Variants in ACADL observed in about 807,000 individuals in gnomAD.
ACADL encodes acyl-CoA dehydrogenase long chain.
Under a neutral mutation model 56.9 loss-of-function variants are expected in ACADL, and 60 were observed. That is an observed-to-expected ratio of 1.05 (90% confidence interval 0.86 to 1.31). The LOEUF (loss-of-function observed/expected upper bound fraction) is 1.31, where lower values mean the gene tolerates loss of function less well. Ranked by LOEUF, ACADL falls within the 50% of genes most tolerant of loss-of-function variation. The probability of loss-of-function intolerance (pLI) is 0.00; values close to 1 mark genes in which losing one functional copy is unlikely to be tolerated. For missense variants in ACADL, 484 were observed against 525.5 expected, an observed-to-expected ratio of 0.92 and a Z score of 0.77; for synonymous variants, 158 against 179.7, an observed-to-expected ratio of 0.88 and a Z score of 0.97.
At chr2:210,205,920 GTACCCTACCCAAATATC>G in intron 5 of ACADL, 124 bp from the exon 6 acceptor site, 1 of 1,116,268 alleles carries the variant, frequency 9.0e-7, no homozygotes, top group South Asian at 1.3e-5. Flanking sequence ...ACCTCTCTCT[GTACCCTACCCAAATATC>G]TGCAAAGTTG....
chr2:210,188,926 T>G lies in ACADL; in HGVS notation c.*35A>C, dbSNP rs1308534930. The G allele has an allele frequency of 1.4e-6, 2 of 1,446,748 alleles. No individual in the cohort carries two copies. Among genetic ancestry groups the G allele is most frequent in the East Asian group, 4.6e-5 (2 of 43,932 alleles). The allele number at this position is 1,446,748 out of a possible 1,614,324, so 89.6% of individuals were successfully genotyped here. ...ATCTTGAGCAGATTTAAAACGAGATTAGCTGTAATAGGACTCCAGGATGTG... is the reference window on the plus strand; with the variant it reads ...ATCTTGAGCAGATTTAAAACGAGATGAGCTGTAATAGGACTCCAGGATGTG... On this transcript the variant is annotated 3_prime_UTR_variant, in exon 11 of 11. Transcript: ENST00000233710.
intron 4 of ACADL, among the ~76,000 whole-genome samples, chr2:210,214,495 G>GAAAGAAAGAAAGAAAGAAAGAA (rs1689043976): frequency 6.7e-6 from 1 of 150,346 alleles, no homozygotes; most frequent in Non-Finnish European, 1.5e-5. Flanking sequence ...AAGAAAGAAA[G>GAAAGAAAGAAAGAAAGAAAGAA]AAAGAAAGAA....
intron 4 of ACADL, among the ~76,000 whole-genome samples, chr2:210,211,177 G>A (rs1042428656): frequency 5.3e-5 from 8 of 152,076 alleles, no homozygotes; most frequent in Admixed American, 2.0e-4. Context: ...ACATATATAT[G>A]CATTTTTATA....
rs1329371909 is a variant in ACADL at position 210,220,780 on chromosome 2, C to G, written c.100G>C (p.Glu34Gln). 2 of 1,609,294 alleles carry G rather than the reference C, an allele frequency of 1.2e-6. No individual in the cohort carries two copies. The highest frequency in any genetic ancestry group is 1.7e-6 in the Non-Finnish European group (2 of 1,177,738). ...AARCSHSGGE[E>Q]RLETPSAKKL... ...TTAGCAGAAGGAGTTTCTAGACGTT[C>G]TTCCCCTCCGGAATGAGAACATCTT... Residue 34 changes from glutamate to glutamine, a missense_variant, in exon 2 of 11, where the codon GAA (glutamate) becomes CAA (glutamine). Coordinates refer to ENST00000233710, the MANE Select transcript of ACADL (RefSeq NM_001608.4).
At chr2:210,201,364 A>G (rs549876765) in intron 8 of ACADL, among the ~76,000 whole-genome samples, 7 of 152,126 alleles carry the variant, frequency 4.6e-5, no homozygotes, top group Admixed American at 1.3e-4. Context: ...CCTCACAACA[A>G]CGCTATGAGG....
chr2:210,209,548 T>G (rs1688945353), intron 5 of ACADL: 1 of 152,208 alleles, frequency 6.6e-6, no homozygotes, highest in South Asian at 2.1e-4. Flanking sequence ...TCTTTTTTTT[T>G]TTTCTTTGAG....
At chr2:210,219,106 T>C (rs530572949) in intron 2 of ACADL, among the ~76,000 whole-genome samples, 1 of 152,306 alleles carries the variant, frequency 6.6e-6, no homozygotes, top group South Asian at 2.1e-4. Context: ...AAGACTTGGA[T>C]TATCATGTGT....
At chr2:210,202,065 G>A (rs1373676862) in intron 8 of ACADL, among the ~76,000 whole-genome samples, 1 of 151,924 alleles carries the variant, frequency 6.6e-6, no homozygotes, top group Non-Finnish European at 1.5e-5. Flanking sequence ...GTCTTTCAAG[G>A]ACTTTCTCTA....
chr2:210,195,861 G>C (rs1688702848), intron 8 of ACADL, among the ~76,000 whole-genome samples: 1 of 152,074 alleles, frequency 6.6e-6, no homozygotes, highest in African/African-American at 2.4e-5. Flanking sequence ...ATATTGCACA[G>C]TATTTAATCT....
At chr2:210,218,200 CTTAAT>C (rs10572520) in intron 2 of ACADL, 98 bp from the exon 3 acceptor site, 104,659 of 1,162,544 alleles carry the variant, frequency 0.09, 5,497 homozygotes, top group African/African-American at 0.14. Flanking sequence ...GAAATGCATT[CTTAAT>C]TTAAGGTAGT....
At chr2:210,189,137 T>C (rs1575668863) in intron 10 of ACADL, 83 bp from the exon 11 acceptor site, 3 of 927,488 alleles carry the variant, frequency 3.2e-6, no homozygotes, top group East Asian at 5.1e-5. Context: ...TCATAAACTA[T>C]TCAATTAGTG....
At chr2:210,224,224 CAAAAA>C in intron 1 of ACADL, 4 of 64,552 alleles carry the variant, frequency 6.2e-5, no homozygotes, top group Non-Finnish European at 1.1e-4. Flanking sequence ...GACTCTGTCT[CAAAAA>C]AAAAAAAAAA....
intron 1 of ACADL, among the ~76,000 whole-genome samples, chr2:210,222,803 C>A (rs1392291148): frequency 6.6e-6 from 1 of 152,178 alleles, no homozygotes. Flanking sequence ...TGCAGGGGAC[C>A]TTGACCATTG....
chr2:210,224,782 T>A (rs1689238849), intron 1 of ACADL: 1 of 992,604 alleles, frequency 1.0e-6, no homozygotes, highest in African/African-American at 1.7e-5. Context: ...CAGCTCGAAC[T>A]GGGACACAGA....
intron 8 of ACADL, among the ~76,000 whole-genome samples, chr2:210,202,279 G>A (rs1444021919): frequency 6.6e-6 from 1 of 152,048 alleles, no homozygotes; most frequent in Non-Finnish European, 1.5e-5. Flanking sequence ...TTTTAGTAGA[G>A]ACAGGGTTTC....
intron 10 of ACADL, among the ~76,000 whole-genome samples, chr2:210,189,908 T>C (rs1688604777): frequency 6.6e-6 from 1 of 152,208 alleles, no homozygotes; most frequent in Non-Finnish European, 1.5e-5. Flanking sequence ...GGAATGAGGA[T>C]GTAGGTATTC....
At chr2:210,214,196 A>G (rs190928062) in intron 4 of ACADL, among the ~76,000 whole-genome samples, 1 of 152,208 alleles carries the variant, frequency 6.6e-6, no homozygotes, top group African/African-American at 2.4e-5. Context: ...GCCAAATCAA[A>G]CCAAAAATAT....
At chr2:210,223,647 G>A (rs73984351) in intron 1 of ACADL, among the ~76,000 whole-genome samples, 2,504 of 152,122 alleles carry the variant, frequency 0.016, 67 homozygotes, top group African/African-American at 0.057. Flanking sequence ...ACTAACTTAC[G>A]CCAATGGATA....
intron 8 of ACADL, among the ~76,000 whole-genome samples, chr2:210,197,301 C>A (rs563076400): frequency 2.2e-4 from 34 of 152,126 alleles, no homozygotes; most frequent in Non-Finnish European, 3.5e-4. Context: ...TCTCTGTATT[C>A]TGGCCTCTAG....
Sources: allele counts gnomAD v4.1 joint callset (sites outside exome capture counted in the v4.1 genomes callset), GRCh38; gene constraint gnomAD v4.1.1; transcripts MANE v1.5; gene names NCBI Gene and HGNC (gene_info 2026-07-23, HGNC 2026-07-21).